Variants in TUSC3 observed in about 807,000 individuals in gnomAD.
TUSC3 encodes tumor suppressor candidate 3.
TUSC3 carries 45 observed loss-of-function variants against 44.8 expected under a neutral mutation model. That is an observed-to-expected ratio of 1.00 (90% CI 0.79 to 1.29). The LOEUF (loss-of-function observed/expected upper bound fraction) is 1.29, where lower values mean the gene tolerates loss of function less well. Among genes scored for constraint, TUSC3 ranks in the 50% most tolerant of loss-of-function variants. TUSC3 has a pLI of 0.00. For synonymous variants in TUSC3, 212 were observed against 152.9 expected (o/e 1.39, Z -2.85); for missense variants, 519 against 437.9 (o/e 1.19, Z -1.65).
chr8:15,552,548 G>A (rs1300703632), intron 1 of TUSC3, among the ~76,000 whole-genome samples: 1 of 151,688 alleles, frequency 6.6e-6, no homozygotes, highest in East Asian at 1.9e-4. Context: ...CCAGTGAAGA[G>A]GGCGAGTGCT....
chr8:15,684,170 C>G (rs1808530035), intron 6 of TUSC3, among the ~76,000 whole-genome samples: 1 of 152,098 alleles, frequency 6.6e-6, no homozygotes, highest in African/African-American at 2.4e-5. Flanking sequence ...ACCCATTCAA[C>G]TACTGGTGCC....
At chr8:15,543,610 A>G (rs1366282948) in intron 1 of TUSC3, among the ~76,000 whole-genome samples, 1 of 152,122 alleles carries the variant, frequency 6.6e-6, no homozygotes. Flanking sequence ...GACTGTATAT[A>G]AAATGCTTAG....
chr8:15,829,514 T>C, the TUSC3 span, among the ~76,000 whole-genome samples: 1 of 152,148 alleles, frequency 6.6e-6, no homozygotes, highest in East Asian at 1.9e-4. Flanking sequence ...CAGTTCAACA[T>C]AAATGAGTCC....
the TUSC3 span, among the ~76,000 whole-genome samples, chr8:15,828,475 C>A: frequency 6.4e-4 from 97 of 152,204 alleles, no homozygotes; most frequent in African/African-American, 2.2e-3. Context: ...TTTCTACAAG[C>A]CACTCTTACA....
intron 1 of TUSC3, among the ~76,000 whole-genome samples, chr8:15,577,404 T>A (rs1482374518): frequency 1.3e-5 from 2 of 151,826 alleles, no homozygotes; most frequent in East Asian, 3.9e-4. Flanking sequence ...ATGTCCTGAA[T>A]GGTAAATGCC....
chr8:15,640,467 C>T (rs752231578), intron 2 of TUSC3, among the ~76,000 whole-genome samples: 7 of 152,156 alleles, frequency 4.6e-5, no homozygotes, highest in Non-Finnish European at 7.3e-5. Context: ...GTACTGGGGA[C>T]GCCCAACACA....
At chr8:15,450,181 A>G (rs1311415173) in intron 1 of TUSC3, among the ~76,000 whole-genome samples, 1 of 152,182 alleles carries the variant, frequency 6.6e-6, no homozygotes, top group Non-Finnish European at 1.5e-5. Context: ...TTGTTTCTGG[A>G]TACATTTTAA....
intron 1 of TUSC3, among the ~76,000 whole-genome samples, chr8:15,425,846 C>G (rs1045233157): frequency 1.3e-5 from 2 of 152,106 alleles, no homozygotes; most frequent in Non-Finnish European, 2.9e-5. Context: ...CTATGTCAAA[C>G]TCATAATTAA....
At chr8:15,777,788 T>C in the TUSC3 span, among the ~76,000 whole-genome samples, 1 of 152,182 alleles carries the variant, frequency 6.6e-6, no homozygotes. Context: ...AGGAATTCCC[T>C]TTTAAAATAT....
rs1474656773 is a variant in TUSC3, at chr8:15,766,370, C to G, written c.*2214C>G. On this transcript the variant is annotated 3_prime_UTR_variant, in exon 11 of 11. Coordinates refer to ENST00000503731, the MANE Select transcript of TUSC3 (RefSeq NM_006765.4). ...AATCACATACATGCGATGTATTTAC[C>G]TTTGCTAGACAATGAGAATTGAATA... 6.6e-6 allele frequency: 1 copy of G among 152,072 alleles called. No individual in the cohort carries two copies. Among genetic ancestry groups the G allele is most frequent in the African/African-American group, 2.4e-5 (1 of 41,416 alleles). The allele number at this position is 152,072 out of a possible 1,614,324, so 9.4% of individuals were successfully genotyped here.
At chr8:15,747,872 T>G (rs1438211102) in intron 8 of TUSC3, among the ~76,000 whole-genome samples, 3 of 152,106 alleles carry the variant, frequency 2.0e-5, no homozygotes, top group African/African-American at 7.2e-5. Context: ...TTGCTTTCTA[T>G]AACATGCTCT....
At chr8:15,433,608 A>G (rs1248261015) in intron 1 of TUSC3, among the ~76,000 whole-genome samples, 1 of 151,462 alleles carries the variant, frequency 6.6e-6, no homozygotes, top group African/African-American at 2.4e-5. Context: ...CCACCACCAC[A>G]TGCCAGGGCT....
intron 1 of TUSC3, among the ~76,000 whole-genome samples, chr8:15,455,575 T>A (rs1054349615): frequency 7.2e-5 from 11 of 152,118 alleles, no homozygotes; most frequent in African/African-American, 2.4e-4. Context: ...TACATATACT[T>A]TTTTTTAACT....
chr8:15,788,404 G>A, the TUSC3 span, among the ~76,000 whole-genome samples: 3 of 151,954 alleles, frequency 2.0e-5, no homozygotes, highest in African/African-American at 4.8e-5. Context: ...CAAATTAGCC[G>A]GGCTTGGTGG....
intron 5 of TUSC3, among the ~76,000 whole-genome samples, chr8:15,672,657 T>A (rs1808000551): frequency 6.6e-6 from 1 of 152,064 alleles, no homozygotes; most frequent in African/African-American, 2.4e-5. Context: ...ATACTCCTGT[T>A]TGTGAATATC....
chr8:15,424,741 G>T (rs576389272), intron 1 of TUSC3, among the ~76,000 whole-genome samples: 1 of 152,094 alleles, frequency 6.6e-6, no homozygotes, highest in Non-Finnish European at 1.5e-5. Context: ...TTAGCCAGGC[G>T]TGGTGGCACA....
intron 1 of TUSC3, among the ~76,000 whole-genome samples, chr8:15,614,050 G>C (rs1270372538): frequency 6.7e-6 from 1 of 148,758 alleles, no homozygotes; most frequent in East Asian, 2.0e-4. Context: ...TCTGAGTTAA[G>C]AACTCCATGA....
intron 1 of TUSC3, among the ~76,000 whole-genome samples, chr8:15,592,205 A>G (rs1246618792): frequency 6.6e-6 from 1 of 152,228 alleles, no homozygotes; most frequent in East Asian, 1.9e-4. Context: ...TAGGTTTTGA[A>G]AAGAAGTCAG....
intron 10 of TUSC3, among the ~76,000 whole-genome samples, chr8:15,762,292 A>T (rs1032577858): frequency 6.6e-6 from 1 of 152,064 alleles, no homozygotes. Flanking sequence ...ACAATAAAGG[A>T]TACATCTAAC....
Sources: gnomAD v4.1 joint callset for allele counts (sites outside exome capture counted in the v4.1 genomes callset) on GRCh38, gnomAD v4.1.1 for gene constraint, MANE v1.5 for transcripts, NCBI Gene and HGNC (gene_info 2026-07-23, HGNC 2026-07-21) for gene names.